The following TRIP11 variants were observed in gnomAD, a reference collection of about 807,000 sequenced individuals.
TRIP11 encodes the protein thyroid receptor-interacting protein 11.
Under a neutral mutation model 223.1 loss-of-function variants are expected in TRIP11, and 148 were observed. The ratio of observed to expected loss-of-function variants is 0.66; its 90% confidence interval spans 0.58 to 0.76. TRIP11 has a LOEUF of 0.76. Among genes scored for constraint, TRIP11 ranks in the 30% least tolerant of loss-of-function variants. The probability of loss-of-function intolerance (pLI) is 0.00; values close to 1 mark genes in which losing one functional copy is unlikely to be tolerated. For synonymous variants in TRIP11, 762 were observed against 772.6 expected (o/e 0.99, Z 0.23); for missense variants, 2,043 against 2,222.0 (o/e 0.92, Z 1.62).
chr14:92,034,962 T>C (rs752860388), intron 1 of TRIP11, among the ~76,000 whole-genome samples: 11 of 151,814 alleles, frequency 7.2e-5, no homozygotes, highest in Non-Finnish European at 1.5e-4. Context: ...CATTTAAAAG[T>C]AGAGTGAGAG....
At chr14:92,017,168 A>C (rs2057044841) in intron 5 of TRIP11, among the ~76,000 whole-genome samples, 1 of 152,176 alleles carries the variant, frequency 6.6e-6, no homozygotes, top group Non-Finnish European at 1.5e-5. Flanking sequence ...CTCCGTAATA[A>C]ATGTTCAAAA....
intron 4 of TRIP11, among the ~76,000 whole-genome samples, chr14:92,018,476 CTCAT>C (rs1566868221): frequency 6.6e-6 from 1 of 152,036 alleles, no homozygotes. Context: ...TTGGATTCTT[CTCAT>C]TCAAAGCTGT....
At chr14:91,991,886 C>T (rs1435177546) in intron 15 of TRIP11, among the ~76,000 whole-genome samples, 1 of 151,800 alleles carries the variant, frequency 6.6e-6, no homozygotes, top group Non-Finnish European at 1.5e-5. Flanking sequence ...AGTTCAACAA[C>T]AGCCTGGCCA....
chr14:92,009,765 ATATGG>A (rs1297310076), intron 9 of TRIP11, among the ~76,000 whole-genome samples: 2 of 152,206 alleles, frequency 1.3e-5, no homozygotes, highest in Admixed American at 1.3e-4. Flanking sequence ...GATGTTGGAA[ATATGG>A]TATGTAAAAA....
chr14:91,998,799 A>C (rs1195582873), intron 13 of TRIP11, among the ~76,000 whole-genome samples: 1 of 152,110 alleles, frequency 6.6e-6, no homozygotes, highest in African/African-American at 2.4e-5. Context: ...TTAATTCTTC[A>C]TACTGACCTT....
chr14:92,001,373 T>G (rs2056823783), intron 11 of TRIP11, among the ~76,000 whole-genome samples: 1 of 138,976 alleles, frequency 7.2e-6, no homozygotes, highest in Admixed American at 7.0e-5. Flanking sequence ...AAATAGTTTT[T>G]CAGTTTTTTT....
chr14:92,021,380 TTC>T (rs1250290285), intron 4 of TRIP11, among the ~76,000 whole-genome samples, 174 bp downstream of exon 4: 4 of 131,704 alleles, frequency 3.0e-5, no homozygotes, highest in African/African-American at 9.7e-5. Flanking sequence ...CAGAGCAAGA[TTC>T]TGTCTCAAAA....
chr14:92,006,926 C>G (rs1324150370), intron 10 of TRIP11, among the ~76,000 whole-genome samples: 1 of 152,164 alleles, frequency 6.6e-6, no homozygotes, highest in Non-Finnish European at 1.5e-5. Context: ...CCTCAGCCTC[C>G]CAAAGTGTTG....
chr14:92,025,510 C>A, intron 2 of TRIP11, 90 bp from the exon 3 acceptor site: 2 of 832,944 alleles, frequency 2.4e-6, no homozygotes, highest in Non-Finnish European at 1.9e-6. Context: ...GTACTGCTTT[C>A]CCCCCCCAAA....
In TRIP11 at chr14:92,039,764, T is replaced by G; in HGVS notation, c.-79A>C. The G allele has an allele frequency of 6.4e-7, 1 of 1,556,240 alleles. No homozygotes were observed. Among genetic ancestry groups the G allele is most frequent in the Non-Finnish European group, 8.7e-7 (1 of 1,149,958 alleles). On this transcript the variant is annotated 5_prime_UTR_variant, in exon 1 of 21. Transcript: ENST00000267622. ...CGCCGCCGGGCGATCCGACCAAATA[T>G]CCTTGAACGCCTGCCTTCGCGAGAC...
In TRIP11 at chr14:92,039,875, A is replaced by T. The variant is rs1293241931; in HGVS notation, c.-190T>A. Reference sequence around the variant, plus strand: ...ACGCAGAGGCCTGGCCTGGAATTTTACCAGGGGCCCGCCTCTAGTGACACA... The same window carrying T: ...ACGCAGAGGCCTGGCCTGGAATTTTTCCAGGGGCCCGCCTCTAGTGACACA... On this transcript the variant is annotated 5_prime_UTR_variant, in exon 1 of 21. Coordinates refer to ENST00000267622, the MANE Select transcript of TRIP11 (RefSeq NM_004239.4). 2 of 1,179,316 alleles carry T rather than the reference A, an allele frequency of 1.7e-6. No homozygotes were observed. Among genetic ancestry groups the T allele is most frequent in the African/African-American group, 1.5e-5 (1 of 64,880 alleles). 73.1% of individuals were successfully genotyped at this position (1,179,316 alleles called of 1,614,324 possible).
chr14:92,011,049 A>G lies in TRIP11; in HGVS notation c.1251T>C (p.Asn417=). 2 of 1,614,024 alleles carry G rather than the reference A, an allele frequency of 1.2e-6. No individual in the cohort carries two copies. Among genetic ancestry groups the G allele is most frequent in the Non-Finnish European group, 8.5e-7 (1 of 1,179,986 alleles). The change falls in exon 9 of 21, where the codon AAT becomes AAC. Residue 417 remains asparagine, a synonymous_variant. Transcript: ENST00000267622. ...CTTCGATACGCATTTTAAGTTTCAG[A>G]TTGTCTTCAGCAAGACTGTTATCCT... The part of the protein sequence containing the change: ...LNQDNSLAED[N]LKLKMRIEVL...
intron 11 of TRIP11, 114 bp from the exon 12 acceptor site, chr14:92,000,222 C>A: frequency 1.4e-6 from 2 of 1,479,748 alleles, no homozygotes; most frequent in South Asian, 1.2e-5. Context: ...GGGCAGCCTC[C>A]CGATTTACTC....
chr14:91,969,784 G>C lies in TRIP11; in HGVS notation c.5829C>G (p.Pro1943=), dbSNP rs748903681. The C allele has an allele frequency of 1.4e-5, 23 of 1,614,030 alleles. No individual in the cohort carries two copies. Among genetic ancestry groups the C allele is most frequent in the Non-Finnish European group, 1.9e-5 (22 of 1,180,034 alleles). ...AGATGGGTTTCAGAAGAAGATGCCC[G>C]GGCCCACCAGGTCCAAGTCCAGCTG... The part of the protein sequence containing the change: ...INPAGLGPGG[P]GHLLLKPISD... The change falls in exon 21 of 21, where the codon CCC becomes CCG. Residue 1943 remains proline, a synonymous_variant. Coordinates refer to ENST00000267622, the MANE Select transcript of TRIP11 (RefSeq NM_004239.4).
In TRIP11 at chr14:92,017,719, T is replaced by C. The variant is rs1409147252; in HGVS notation, c.620A>G (p.Asp207Gly). ...TTGTAGTTTACATATTTCACTTTGA[T>C]CAGAGTTATCTGTTCCTTGTGCTTT... ...TSKAQGTDNS[D>G]QSEICKLQNI... The change falls in exon 5 of 21, where the codon GAT becomes GGT. Residue 207 changes from aspartate (D) to glycine (G), a missense_variant. By Grantham distance (94) the Asp-to-Gly change is moderately conservative. Coordinates refer to ENST00000267622, the MANE Select transcript of TRIP11 (RefSeq NM_004239.4). The C allele has an allele frequency of 6.2e-7, 1 of 1,612,966 alleles. No individual in the cohort carries two copies. The highest frequency in any genetic ancestry group is 8.5e-7 in the Non-Finnish European group (1 of 1,179,416).
rs1306227866 is a variant in TRIP11 at position 91,993,789 on chromosome 14, A to G, written c.5160+20T>C. 1.9e-6 allele frequency: 3 copies of G among 1,571,462 alleles called. No individual in the cohort carries two copies. Among genetic ancestry groups the G allele is most frequent in the Admixed American group, 3.3e-5 (2 of 59,876 alleles). The stretch of plus-strand genomic sequence containing the variant: ...TTCCATGAATAATAAAACCTACAAG[A>G]GAAAACTATTTTGTCCTACCTGTAA... On this transcript the variant is annotated intron_variant, in intron 15 of 20. Coordinates refer to ENST00000267622, the MANE Select transcript of TRIP11 (RefSeq NM_004239.4).
intron 17 of TRIP11, among the ~76,000 whole-genome samples, chr14:91,975,709 A>G (rs984229297): frequency 6.6e-6 from 1 of 152,130 alleles, no homozygotes; most frequent in Non-Finnish European, 1.5e-5. Context: ...ATATACATTT[A>G]AAAAATATTA....
chr14:92,014,070 C>A, intron 7 of TRIP11, 145 bp downstream of exon 7: 1 of 1,198,464 alleles, frequency 8.3e-7, no homozygotes, highest in Non-Finnish European at 1.2e-6. Context: ...TGAATCCAAA[C>A]CACACAATTC....
Position 92,004,739 on chromosome 14 carries a change from GGAAGTTGAAGAAATTCTAGCAT to G in TRIP11, c.3215_3236del (p.His1072ProfsTer27). ...GAAGGTAAACAACATCTTGAGTATG[GGAAGTTGAAGAAATTCTAGCAT>G]GAAGAGCTTGTATCTCCAAATCTTT... On this transcript the variant is annotated frameshift_variant, in exon 11 of 21. Coordinates refer to ENST00000267622, the MANE Select transcript of TRIP11 (RefSeq NM_004239.4). LOFTEE classifies it high-confidence loss of function. 1 of 1,614,056 alleles carries G rather than the reference GGAAGTTGAAGAAATTCTAGCAT, an allele frequency of 6.2e-7. No individual in the cohort carries two copies. Among genetic ancestry groups the G allele is most frequent in the Non-Finnish European group, 8.5e-7 (1 of 1,180,004 alleles).
Sources: gnomAD v4.1 joint callset for allele counts (sites outside exome capture counted in the v4.1 genomes callset) on GRCh38, gnomAD v4.1.1 for gene constraint, MANE v1.5 for transcripts, NCBI Gene and HGNC (gene_info 2026-07-23, HGNC 2026-07-21) for gene names.